The following DOCK3 variants were observed in gnomAD, a reference collection of about 807,000 sequenced individuals.
The protein encoded by DOCK3 is dedicator of cytokinesis protein 3.
DOCK3 carries 60 observed loss-of-function variants against 265.6 expected under a neutral mutation model. The ratio of observed to expected loss-of-function variants is 0.23; its 90% CI spans 0.18 to 0.28. The LOEUF is 0.28. DOCK3 is among the 10% of genes least tolerant of loss of function. DOCK3 has a pLI of 1.00. For missense variants in DOCK3, 1,981 were observed against 2,594.3 expected (o/e 0.76, Z 5.14); for synonymous variants, 881 against 938.0 (o/e 0.94, Z 1.11).
At chr3:51,114,390 A>G (rs1165742989) in intron 9 of DOCK3, among the ~76,000 whole-genome samples, 1 of 152,212 alleles carries the variant, frequency 6.6e-6, no homozygotes, top group Non-Finnish European at 1.5e-5. Context: ...CCTGTGGCCA[A>G]CATTATTTCA....
chr3:50,786,685 G>A (rs2042200428), intron 2 of DOCK3: 2 of 647,104 alleles, frequency 3.1e-6, no homozygotes, highest in Non-Finnish European at 5.9e-6. Context: ...TTTTGCCACA[G>A]ATTTCACAGA....
intron 12 of DOCK3, among the ~76,000 whole-genome samples, chr3:51,173,891 C>T (rs2086808836): frequency 6.6e-6 from 1 of 151,872 alleles, no homozygotes; most frequent in South Asian, 2.1e-4. Flanking sequence ...TAAATTTTTC[C>T]CCCTTTTCTT....
At chr3:51,290,361 AATG>A (rs2081664428) in intron 27 of DOCK3, among the ~76,000 whole-genome samples, 1 of 152,216 alleles carries the variant, frequency 6.6e-6, no homozygotes. Flanking sequence ...AGCCATAAAA[AATG>A]ATGAGTTCAT....
chr3:50,753,021 T>C (rs1202810807), intron 1 of DOCK3, among the ~76,000 whole-genome samples: 1 of 152,178 alleles, frequency 6.6e-6, no homozygotes, highest in African/African-American at 2.4e-5. Flanking sequence ...TTAGACTTCA[T>C]GGGCCATGAG....
At chr3:50,991,630 C>A (rs1362548671) in intron 5 of DOCK3, among the ~76,000 whole-genome samples, 1 of 152,032 alleles carries the variant, frequency 6.6e-6, no homozygotes, top group Non-Finnish European at 1.5e-5. Flanking sequence ...GAGTTTTACA[C>A]AATAATAGTG....
intron 10 of DOCK3, among the ~76,000 whole-genome samples, chr3:51,147,510 G>A (rs1435654972): frequency 6.6e-6 from 1 of 152,034 alleles, no homozygotes; most frequent in Non-Finnish European, 1.5e-5. Context: ...ACCACAACAG[G>A]CCCCCATGTG....
At chr3:51,277,550 C>G in intron 25 of DOCK3, 58 bp from the exon 26 acceptor site, 1 of 1,488,934 alleles carries the variant, frequency 6.7e-7, no homozygotes, top group Non-Finnish European at 8.9e-7. Flanking sequence ...TAAGTGCTGC[C>G]AGCTGTACTT....
chr3:50,857,773 A>C (rs2046675601), intron 3 of DOCK3, among the ~76,000 whole-genome samples: 1 of 152,224 alleles, frequency 6.6e-6, no homozygotes, highest in Non-Finnish European at 1.5e-5. Context: ...AAAAGTCAGG[A>C]AACAACAGAT....
chr3:50,897,210 A>G (rs1025463170), intron 4 of DOCK3, among the ~76,000 whole-genome samples: 2 of 152,092 alleles, frequency 1.3e-5, no homozygotes, highest in African/African-American at 4.8e-5. Flanking sequence ...CATCCCTTGT[A>G]AGTTGTATTC....
At chr3:50,785,510 T>C (rs750467666) in intron 2 of DOCK3, among the ~76,000 whole-genome samples, 3 of 152,212 alleles carry the variant, frequency 2.0e-5, no homozygotes, top group Non-Finnish European at 4.4e-5. Context: ...TTGCTGAGGG[T>C]TTTAATCATA....
intron 6 of DOCK3, among the ~76,000 whole-genome samples, chr3:51,070,465 C>T (rs183544093): frequency 2.0e-4 from 30 of 152,146 alleles, no homozygotes; most frequent in Non-Finnish European, 3.8e-4. Context: ...GCCTCAGCTT[C>T]CTTGGTTAAA....
chr3:50,757,934 G>T (rs2040269171), intron 1 of DOCK3, among the ~76,000 whole-genome samples: 1 of 152,000 alleles, frequency 6.6e-6, no homozygotes, highest in Admixed American at 6.6e-5. Context: ...CCAGCACTTT[G>T]GGAGGCTGAG....
rs182286491 is a variant in DOCK3 at position 50,957,530 on chromosome 3, A to G, written c.315+23453A>G. On this transcript the variant is annotated intron_variant, in intron 5 of 52. Coordinates refer to ENST00000266037, the MANE Select transcript of DOCK3 (RefSeq NM_004947.5). Reference sequence around the variant, plus strand: ...CAGGAGACTTCCACTGGATGTTACTACCGCTAGACACAGTGCCAGCTTCTT... The same window carrying G: ...CAGGAGACTTCCACTGGATGTTACTGCCGCTAGACACAGTGCCAGCTTCTT... 2.0e-3 allele frequency among the ~76,000 whole-genome samples: 305 copies of G among 152,334 alleles called. 3 individuals are homozygous for G. Among genetic ancestry groups the G allele is most frequent in the African/African-American group, 6.7e-3 (279 of 41,586 alleles).
At chr3:50,998,121 C>T (rs1265501982) in intron 5 of DOCK3, among the ~76,000 whole-genome samples, 2 of 152,164 alleles carry the variant, frequency 1.3e-5, no homozygotes, top group African/African-American at 4.8e-5. Flanking sequence ...ATATTAACCA[C>T]ATTTTACAAA....
rs1232056785 is a variant in DOCK3, at chr3:51,341,251, C to T, written c.3781C>T (p.Leu1261=). The stretch of plus-strand genomic sequence containing the variant: ...TGTCCCCACAGAGGCCGCATTTACC[C>T]TGCTCCTTTACTGTGAGCTGCTGCA... ...AENYTEAAFT[L]LLYCELLQWE... is the part of the protein sequence containing the mutation. The change falls in exon 38 of 53, where the codon CTG becomes TTG. Residue 1261 remains leucine, a synonymous_variant. Transcript: ENST00000266037. 1.3e-6 allele frequency: 2 copies of T among 1,587,746 alleles called. No individual in the cohort carries two copies. Among genetic ancestry groups the T allele is most frequent in the Non-Finnish European group, 8.6e-7 (1 of 1,166,458 alleles).
At chr3:51,182,633 T>C (rs1176616143) in intron 12 of DOCK3, among the ~76,000 whole-genome samples, 3 of 152,204 alleles carry the variant, frequency 2.0e-5, no homozygotes, top group Non-Finnish European at 4.4e-5. Flanking sequence ...GTTTTTCTTA[T>C]TGATTATTAT....
intron 2 of DOCK3, among the ~76,000 whole-genome samples, chr3:50,782,165 G>A (rs1036740026): frequency 4.6e-5 from 7 of 152,024 alleles, no homozygotes; most frequent in Non-Finnish European, 1.0e-4. Context: ...TGGGTCGAAT[G>A]GCAGTTCTGT....
rs535485124 is a variant in DOCK3 at position 50,791,662 on chromosome 3, C to T, written c.121+12904C>T. ...CTTCTGCATATGGTTAGCCAGTTAT[C>T]CCAGCACCATTTATTGAATAGGGAG... On this transcript the variant is annotated intron_variant, in intron 2 of 52. Transcript: ENST00000266037. 1.1e-3 allele frequency among the ~76,000 whole-genome samples: 167 copies of T among 152,230 alleles called. 1 individual carries two copies. The highest frequency in any genetic ancestry group is 1.5e-3 in the Non-Finnish European group (102 of 68,022).
intron 1 of DOCK3, among the ~76,000 whole-genome samples, chr3:50,710,354 G>A (rs1429586672): frequency 6.6e-6 from 1 of 152,052 alleles, no homozygotes; most frequent in African/African-American, 2.4e-5. Flanking sequence ...GTGGGTAAAG[G>A]ACATGAATAA....
Sources: gnomAD v4.1 joint callset for allele counts (sites outside exome capture counted in the v4.1 genomes callset) on GRCh38, gnomAD v4.1.1 for gene constraint, MANE v1.5 for transcripts, NCBI Gene and HGNC (gene_info 2026-07-23, HGNC 2026-07-21) for gene names.